Variants in PACRG observed in about 807,000 individuals in gnomAD.
The protein encoded by PACRG is parkin coregulated gene protein.
Under a neutral mutation model 29.7 loss-of-function variants are expected in PACRG, and 29 were observed. The ratio of observed to expected loss-of-function variants is 0.98; its 90% CI spans 0.73 to 1.33. PACRG has a LOEUF of 1.33. PACRG is among the 40% of genes most tolerant of loss of function. The pLI is 0.00. For synonymous variants in PACRG, 116 were observed against 118.7 expected, an observed-to-expected ratio of 0.98 and a Z score of 0.15; for missense variants, 279 against 316.2, an observed-to-expected ratio of 0.88 and a Z score of 0.89.
intron 1 of PACRG, among the ~76,000 whole-genome samples, chr6:162,732,501 A>G (rs996195987): frequency 6.6e-6 from 1 of 152,156 alleles, no homozygotes; most frequent in Non-Finnish European, 1.5e-5. Context: ...CAAACTCACA[A>G]TGTTTTATTA....
At chr6:163,116,746 C>T (rs1816015222) in intron 4 of PACRG, among the ~76,000 whole-genome samples, 1 of 152,134 alleles carries the variant, frequency 6.6e-6, no homozygotes, top group Non-Finnish European at 1.5e-5. Flanking sequence ...GAGAAGTTGG[C>T]ACCTTAAAAT....
At chr6:162,748,151 G>C (rs906642235) in intron 1 of PACRG, among the ~76,000 whole-genome samples, 1 of 152,046 alleles carries the variant, frequency 6.6e-6, no homozygotes, top group Admixed American at 6.6e-5. Flanking sequence ...AAGTGGGTTG[G>C]AGTGAATCTG....
At chr6:163,200,204 A>G (rs1780639136) in intron 4 of PACRG, among the ~76,000 whole-genome samples, 1 of 152,176 alleles carries the variant, frequency 6.6e-6, no homozygotes. Context: ...AATATTTTTT[A>G]TTAAAAATAC....
intron 4 of PACRG, among the ~76,000 whole-genome samples, chr6:163,249,810 GT>G (rs1328287983): frequency 6.6e-6 from 1 of 152,236 alleles, no homozygotes; most frequent in African/African-American, 2.4e-5. Flanking sequence ...GCAAACTGAA[GT>G]TTGAGTCAGA....
intron 2 of PACRG, among the ~76,000 whole-genome samples, chr6:163,002,652 C>T (rs1804695808): frequency 1.3e-5 from 2 of 152,120 alleles, no homozygotes; most frequent in African/African-American, 4.8e-5. Flanking sequence ...TCACGTTTTG[C>T]AAAACAGTTT....
chr6:163,218,370 T>G (rs552797234), intron 4 of PACRG, among the ~76,000 whole-genome samples: 1 of 152,292 alleles, frequency 6.6e-6, no homozygotes, highest in Non-Finnish European at 1.5e-5. Context: ...TCTACTGCAA[T>G]TTTCATGCTA....
At chr6:163,234,983 T>C (rs1489557022) in intron 4 of PACRG, among the ~76,000 whole-genome samples, 1 of 152,140 alleles carries the variant, frequency 6.6e-6, no homozygotes, top group Non-Finnish European at 1.5e-5. Context: ...ACTTGCTAGT[T>C]TTAAGACGAA....
chr6:163,262,950 G>T (rs1320904330), intron 4 of PACRG, among the ~76,000 whole-genome samples: 1 of 150,476 alleles, frequency 6.6e-6, no homozygotes, highest in Non-Finnish European at 1.5e-5. Flanking sequence ...TACTCAGGAG[G>T]CTGAGGCGGG....
At chr6:162,952,438 A>G (rs1799722451) in intron 2 of PACRG, among the ~76,000 whole-genome samples, 2 of 152,194 alleles carry the variant, frequency 1.3e-5, no homozygotes, top group East Asian at 3.9e-4. Context: ...CCACTTCAAC[A>G]AAACCTAAGG....
At chr6:162,846,605 C>G (rs1416643377) in intron 2 of PACRG, among the ~76,000 whole-genome samples, 1 of 152,174 alleles carries the variant, frequency 6.6e-6, no homozygotes, top group Non-Finnish European at 1.5e-5. Context: ...CACCCATCCC[C>G]ACATCGTATC....
At chr6:163,277,694 T>C (rs1021574095) in intron 4 of PACRG, among the ~76,000 whole-genome samples, 4 of 150,910 alleles carry the variant, frequency 2.7e-5, no homozygotes, top group Non-Finnish European at 5.9e-5. Flanking sequence ...TCTATATCTA[T>C]ATATATAGAT....
At position 163,058,692 on chromosome 6, in the gene PACRG, C is replaced by T. The variant is rs554139806; in HGVS notation, c.292-3458C>T. Among the ~76,000 whole-genome samples the T allele has an allele frequency of 1.5e-3, 231 of 152,168 alleles. 4 individuals carry two copies. The South Asian group carries it at 0.045, about 30-fold the overall frequency. ...CGAGCGGATCATGAGGTCAGGAGATCGAGACCCTCCTGGCTAACACGGTGA... is the reference window on the plus strand; with the variant it reads ...CGAGCGGATCATGAGGTCAGGAGATTGAGACCCTCCTGGCTAACACGGTGA... On this transcript the variant is annotated intron_variant, in intron 2 of 4. Transcript: ENST00000366888.
intron 1 of PACRG, among the ~76,000 whole-genome samples, chr6:162,802,789 AAC>A (rs1376287316): frequency 1.3e-5 from 2 of 152,178 alleles, no homozygotes; most frequent in Non-Finnish European, 2.9e-5. Context: ...AAAAAACAAA[AAC>A]AAAAAAAATG....
chr6:163,026,396 C>T (rs527570346), intron 2 of PACRG, among the ~76,000 whole-genome samples: 5 of 152,144 alleles, frequency 3.3e-5, no homozygotes, highest in Non-Finnish European at 7.3e-5. Flanking sequence ...TATATGTGAC[C>T]TTTCTAATTA....
chr6:163,061,267 C>T (rs1287051225), intron 2 of PACRG, among the ~76,000 whole-genome samples: 1 of 152,184 alleles, frequency 6.6e-6, no homozygotes, highest in African/African-American at 2.4e-5. Context: ...GCTCTGCCGC[C>T]TTGCTGGCAG....
At chr6:163,257,664 A>G (rs1318181733) in intron 4 of PACRG, among the ~76,000 whole-genome samples, 3 of 152,210 alleles carry the variant, frequency 2.0e-5, no homozygotes, top group Non-Finnish European at 4.4e-5. Flanking sequence ...CTTCTCCTTC[A>G]GGAATACTGT....
intron 2 of PACRG, among the ~76,000 whole-genome samples, chr6:162,950,253 T>G (rs1225560826): frequency 6.6e-6 from 1 of 152,168 alleles, no homozygotes; most frequent in Admixed American, 6.5e-5. Context: ...ATCCCAGCAC[T>G]TTGGGAGGCC....
intron 4 of PACRG, among the ~76,000 whole-genome samples, chr6:163,217,989 C>T (rs548589609): frequency 2.6e-5 from 4 of 152,134 alleles, no homozygotes; most frequent in Admixed American, 6.5e-5. Context: ...AAACCCTCCC[C>T]GACACTGGTC....
chr6:163,075,664 G>A (rs994592114), intron 3 of PACRG, among the ~76,000 whole-genome samples: 5 of 152,108 alleles, frequency 3.3e-5, no homozygotes, highest in African/African-American at 1.2e-4. Flanking sequence ...TTAATAAATG[G>A]TGAAAAAGCA....
Sources: gnomAD v4.1 joint callset for allele counts (sites outside exome capture counted in the v4.1 genomes callset) on GRCh38, gnomAD v4.1.1 for gene constraint, MANE v1.5 for transcripts, NCBI Gene and HGNC (gene_info 2026-07-23, HGNC 2026-07-21) for gene names.